The following ZNF805 variants were observed in gnomAD, a reference collection of about 807,000 sequenced individuals.
The protein encoded by ZNF805 is zinc finger protein 805.
Under a neutral mutation model 13.6 loss-of-function variants are expected in ZNF805, and 7 were observed. That is an observed-to-expected ratio of 0.51 (90% CI 0.29 to 0.97). The LOEUF (loss-of-function observed/expected upper bound fraction) is 0.97. Ranked by LOEUF, ZNF805 falls within the 50% of genes least tolerant of loss-of-function variation. The pLI is 0.08. For synonymous variants in ZNF805, 293 were observed against 279.8 expected, an observed-to-expected ratio of 1.05 and a Z score of -0.47; for missense variants, 604 against 771.0, an observed-to-expected ratio of 0.78 and a Z score of 2.57.
At position 57,260,181 on chromosome 19, in the gene ZNF805, A is replaced by G. The variant is rs557090390; in HGVS notation, c.*5478A>G. On this transcript the variant is annotated 3_prime_UTR_variant, in exon 4 of 4. Transcript: ENST00000414468. ...TTAGACACACACACACCCTTCCCCA[A>G]CCAAACTTGTCTAAGTCCTCTGTCT... Among the ~76,000 whole-genome samples the G allele has an allele frequency of 1.3e-5, 2 of 152,290 alleles. No homozygotes were observed. Among genetic ancestry groups the G allele is most frequent in the African/African-American group, 4.8e-5 (2 of 41,564 alleles).
Position 57,253,445 on chromosome 19 carries a change from A to G in ZNF805, c.626A>G (p.Glu209Gly), listed in dbSNP as rs776477085. ...EENIFKCNEC[E>G]KVFNKKRLLA... is the part of the protein sequence containing the mutation. ...AATATCTTTAAATGCAATGAATGTG[A>G]AAAAGTGTTTAACAAGAAACGCCTG... The change falls in exon 4 of 4, where the codon GAA becomes GGA. Residue 209 changes from glutamate (E) to glycine (G), a missense_variant. Around this residue, in one of 3 missense-constraint regions of ZNF805, gnomAD observed 327 missense variants for 378.2 expected, o/e 0.86. Transcript: ENST00000414468. The surrounding 1 kb of genome is among the most constrained non-coding windows in gnomAD (Gnocchi z 4.4). 15 of 1,574,212 alleles carry G rather than the reference A, an allele frequency of 9.5e-6. No individual in the cohort carries two copies. The East Asian group carries it at 1.6e-4, about 17-fold the overall frequency.
At chr19:57,244,199 C>CTTTTT (rs1200854107) in intron 2 of ZNF805, 150 bp downstream of exon 2, 60 of 291,450 alleles carry the variant, frequency 2.1e-4, no homozygotes, top group African/African-American at 8.3e-4. Context: ...TCACCTCTTC[C>CTTTTT]TTTTTTTTTT....
At chr19:57,245,778 C>CAA (rs772154420) in intron 2 of ZNF805, among the ~76,000 whole-genome samples, 61 of 123,744 alleles carry the variant, frequency 4.9e-4, no homozygotes, top group Non-Finnish European at 8.5e-4. Context: ...GACTCCATCT[C>CAA]AAAAAAAAAA....
Position 57,253,831 on chromosome 19 carries a change from A to G in ZNF805, c.1012A>G (p.Ser338Gly), listed in dbSNP as rs1440121756. ...PGFIRHYIIH[S>G]GENPYECFEC... ...TTTCATTCGACACTACATCATCCAC[A>G]GTGGTGAGAATCCCTACGAGTGCTT... The change falls in exon 4 of 4, where the codon AGT becomes GGT. Residue 338 changes from serine (S) to glycine (G), a missense_variant. Ser to Gly is a moderately conservative substitution (Grantham distance 56, BLOSUM62 0). Coordinates refer to ENST00000414468, the MANE Select transcript of ZNF805 (RefSeq NM_001023563.4). The surrounding 1 kb of genome is among the most constrained non-coding windows in gnomAD (Gnocchi z 4.4). 6.2e-7 allele frequency: 1 copy of G among 1,614,076 alleles called. No homozygotes were observed. Among genetic ancestry groups the G allele is most frequent in the Non-Finnish European group, 8.5e-7 (1 of 1,180,010 alleles).
chr19:57,262,051 G>A lies in ZNF805; in HGVS notation c.*7348G>A, dbSNP rs1007600780. 6.0e-6 allele frequency: 1 copy of A among 166,118 alleles called. No homozygotes were observed. The highest frequency in any genetic ancestry group is 1.5e-5 in the Non-Finnish European group (1 of 68,116). The allele number at this position is 166,118 out of a possible 1,614,324, so 10.3% of individuals were successfully genotyped here. On this transcript the variant is annotated 3_prime_UTR_variant, in exon 4 of 4. Coordinates refer to ENST00000414468, the MANE Select transcript of ZNF805 (RefSeq NM_001023563.4). The stretch of plus-strand genomic sequence containing the variant: ...ATACCACAATTGTAGACCTCCAGAA[G>A]AACAGGAGGTGTTCAGCGTAAGACA...
In ZNF805 at chr19:57,244,150, T is replaced by C. The variant is rs989895167; in HGVS notation, c.157+101T>C. 3.5e-6 allele frequency: 5 copies of C among 1,418,256 alleles called. No individual in the cohort carries two copies. In the African/African-American group the frequency reaches 7.3e-5, roughly 21 times the overall value. 87.9% of individuals were successfully genotyped at this position (1,418,256 alleles called of 1,614,324 possible). On this transcript the variant is annotated intron_variant, in intron 2 of 3. Transcript: ENST00000414468. The stretch of plus-strand genomic sequence containing the variant: ...GTCAAGAAGTCCTCTCTTACTGGCC[T>C]TGCCTCCTTCCCACAAATTCAGTCA...
Position 57,255,001 on chromosome 19 carries a change from G to T in ZNF805, c.*298G>T. ...TGTGTCAGGAAAGTTAGTAAGGGAA[G>T]GTCTGGAAACTTACTCAATGTCTTT... is the stretch of plus-strand genomic sequence containing the variant. On this transcript the variant is annotated 3_prime_UTR_variant, in exon 4 of 4. Coordinates refer to ENST00000414468, the MANE Select transcript of ZNF805 (RefSeq NM_001023563.4). 1 of 269,550 alleles carries T rather than the reference G, an allele frequency of 3.7e-6. No homozygotes were observed. The highest frequency in any genetic ancestry group is 7.6e-5 in the East Asian group (1 of 13,148). 16.7% of individuals were successfully genotyped at this position (269,550 alleles called of 1,614,324 possible). A position where few individuals can be genotyped will look rare whatever the true frequency, so the allele number is the denominator to read the frequency against.
rs3746233 is a variant in ZNF805, at chr19:57,248,592, T to C, written c.158-13T>C. The stretch of plus-strand genomic sequence containing the variant: ...CCCACATCCATGTGTCCACTTGCTT[T>C]CTCCATAAACAGGGTGTCCTGTTCC... On this transcript the variant is annotated splice_polypyrimidine_tract_variant and intron_variant, in intron 2 of 3. Coordinates refer to ENST00000414468, the MANE Select transcript of ZNF805 (RefSeq NM_001023563.4). 0.18 allele frequency: 276,840 copies of C among 1,566,398 alleles called. 25,223 individuals are homozygous for C. The highest frequency in any genetic ancestry group is 0.2 in the Middle Eastern group (1,178 of 5,838).
At position 57,255,616 on chromosome 19, in the gene ZNF805, T is replaced by C. The variant is rs572139226; in HGVS notation, c.*913T>C. Among the ~76,000 whole-genome samples, 38 of 152,290 alleles carry C rather than the reference T, an allele frequency of 2.5e-4. No individual in the cohort carries two copies. The South Asian group carries it at 5.8e-3, about 23-fold the overall frequency. The stretch of plus-strand genomic sequence containing the variant: ...GTTTTTTGAGTGATTGTAAATGGCA[T>C]TGATATTTAAAGTTTCAATATTCAC... On this transcript the variant is annotated 3_prime_UTR_variant, in exon 4 of 4. Transcript: ENST00000414468.
chr19:57,240,806 C>T lies in ZNF805; in HGVS notation c.-86C>T, dbSNP rs2087574194. 1.5e-6 allele frequency: 2 copies of T among 1,330,232 alleles called. No individual in the cohort carries two copies. The highest frequency in any genetic ancestry group is 1.4e-5 in the South Asian group (1 of 72,012). 82.4% of individuals were successfully genotyped at this position (1,330,232 alleles called of 1,614,324 possible). The stretch of plus-strand genomic sequence containing the variant: ...TCAGCCAAGGTCACCGGGCCCGGCG[C>T]AGGGAAGGGGTGGGGCTCGGCTGAG... On this transcript the variant is annotated 5_prime_UTR_variant, in exon 1 of 4. Transcript: ENST00000414468.
In ZNF805 at chr19:57,262,669, C is replaced by T. The variant is rs901689088; in HGVS notation, c.*7966C>T. The T allele has an allele frequency of 6.0e-6, 1 of 167,018 alleles. No homozygotes were observed. The highest frequency in any genetic ancestry group is 6.5e-5 in the Admixed American group (1 of 15,278). The allele number at this position is 167,018 out of a possible 1,614,324, so 10.3% of individuals were successfully genotyped here. On this transcript the variant is annotated 3_prime_UTR_variant, in exon 4 of 4. Transcript: ENST00000414468. ...AGATAGTTGAAGAATATGGAGTTCG[C>T]CATAATTTATCATTAAATGTGGATA...
Position 57,253,316 on chromosome 19 carries a change from G to C in ZNF805, c.497G>C (p.Ser166Thr), listed in dbSNP as rs774613218. 4.4e-6 allele frequency: 7 copies of C among 1,575,468 alleles called. No homozygotes were observed. The African/African-American group carries it at 6.8e-5, about 15-fold the overall frequency. The stretch of plus-strand genomic sequence containing the variant: ...CATGATGGTTTAGGGACAGCTGATA[G>C]TGTGTGTTCAAGGATTATACAGGAT... Reference protein sequence around the residue: ...PKHDGLGTADSVCSRIIQDRV... With the variant: ...PKHDGLGTADTVCSRIIQDRV... The change falls in exon 4 of 4, where the codon AGT (serine) becomes ACT (threonine). Residue 166 changes from serine to threonine, a missense_variant. By Grantham distance (58) the Ser-to-Thr change is moderately conservative. Transcript: ENST00000414468. The surrounding 1 kb of genome is among the most constrained non-coding windows in gnomAD (Gnocchi z 4.4).
At chr19:57,252,411 G>A (rs776042878) in intron 3 of ZNF805, among the ~76,000 whole-genome samples, 1 of 152,164 alleles carries the variant, frequency 6.6e-6, no homozygotes, top group Non-Finnish European at 1.5e-5. Flanking sequence ...TATACTCACA[G>A]TTTTGTTTAT....
At chr19:57,244,144 C>A (rs1273498122) in intron 2 of ZNF805, 95 bp downstream of exon 2, 2 of 1,449,816 alleles carry the variant, frequency 1.4e-6, no homozygotes, top group African/African-American at 1.4e-5. Context: ...TCCTCTCTTA[C>A]TGGCCTTGCC....
At chr19:57,251,518 C>T (rs10411941) in intron 3 of ZNF805, among the ~76,000 whole-genome samples, 66,448 of 151,858 alleles carry the variant, frequency 0.44, 15,759 homozygotes, top group Non-Finnish European at 0.53. Context: ...AGATACCTAT[C>T]TTTTATCAGT....
intron 2 of ZNF805, 150 bp downstream of exon 2, chr19:57,244,199 CTTTTTTTTTTTT>C (rs1200854107): frequency 6.9e-6 from 2 of 290,936 alleles, no homozygotes; most frequent in Non-Finnish European, 1.1e-5. Context: ...TCACCTCTTC[CTTTTTTTTTTTT>C]TTTTTTTTTT....
chr19:57,246,125 C>G (rs1212106759), intron 2 of ZNF805, among the ~76,000 whole-genome samples: 1 of 152,146 alleles, frequency 6.6e-6, no homozygotes, highest in African/African-American at 2.4e-5. Context: ...GAGGGAGCAG[C>G]CTTAGGCTCA....
rs775935434 is a variant in ZNF805 at position 57,253,797 on chromosome 19, T to C, written c.978T>C (p.Asp326=). ...AAGAGTGTGGCAAAGCCTTTCGAGA[T>C]AGGCCAGGTTTCATTCGACACTACA... ...VCKECGKAFR[D]RPGFIRHYII... is the part of the protein sequence containing the mutation. Residue 326 remains aspartate, a synonymous_variant, in exon 4 of 4, where the codon GAT becomes GAC. Coordinates refer to ENST00000414468, the MANE Select transcript of ZNF805 (RefSeq NM_001023563.4). This position sits in a 1 kb window ranked among gnomAD's most constrained non-coding sequence, Gnocchi z 4.4. 3.7e-6 allele frequency: 6 copies of C among 1,613,692 alleles called. No individual in the cohort carries two copies. In the East Asian group the frequency reaches 6.7e-5, roughly 18 times the overall value.
rs570752776 is a variant in ZNF805, at chr19:57,256,281, T to C, written c.*1578T>C. Among the ~76,000 whole-genome samples, 1 of 152,278 alleles carries C rather than the reference T, an allele frequency of 6.6e-6. No individual in the cohort carries two copies. The highest frequency in any genetic ancestry group is 6.5e-5 in the Admixed American group (1 of 15,300). ...TTTCCTCTGATTTCATGAGTGATAA[T>C]CTGTAGTTTTCTTTCTTCAACTGTT... On this transcript the variant is annotated 3_prime_UTR_variant, in exon 4 of 4. Coordinates refer to ENST00000414468, the MANE Select transcript of ZNF805 (RefSeq NM_001023563.4).
Sources: allele counts gnomAD v4.1 joint callset (sites outside exome capture counted in the v4.1 genomes callset), GRCh38; gene constraint gnomAD v4.1.1; regional missense constraint gnomAD v4.1.1; non-coding constraint Gnocchi (gnomAD v3.1); transcripts MANE v1.5; gene names NCBI Gene and HGNC (gene_info 2026-07-23, HGNC 2026-07-21).